The following SPECC1 variants were observed in gnomAD, a reference collection of about 807,000 sequenced individuals.
SPECC1 encodes cytospin-B.
In SPECC1, 62 loss-of-function variants were observed where a neutral mutation model predicts 104.1. The observed-to-expected ratio is 0.60, with a 90% CI of 0.49 to 0.74. The LOEUF is 0.74. Among genes scored for constraint, SPECC1 ranks in the 30% least tolerant of loss-of-function variants. SPECC1 has a pLI of 0.00. For missense variants in SPECC1, 1,306 were observed against 1,310.5 expected (o/e 1.00, Z 0.05); for synonymous variants, 513 against 501.6 (o/e 1.02, Z -0.30).
chr17:20,150,113 C>G (rs2031851006), intron 3 of SPECC1, among the ~76,000 whole-genome samples: 1 of 151,140 alleles, frequency 6.6e-6, no homozygotes, highest in Non-Finnish European at 1.5e-5. Flanking sequence ...GCTGGGACTA[C>G]AGGCGCCCGC....
intron 5 of SPECC1, among the ~76,000 whole-genome samples, chr17:20,229,953 A>G (rs2038468954): frequency 6.6e-6 from 1 of 152,210 alleles, no homozygotes; most frequent in Non-Finnish European, 1.5e-5. Context: ...CCAAGTTTCA[A>G]AAGGCCATAA....
At chr17:20,101,059 C>A (rs2047923017) in intron 2 of SPECC1, among the ~76,000 whole-genome samples, 1 of 152,190 alleles carries the variant, frequency 6.6e-6, no homozygotes, top group Non-Finnish European at 1.5e-5. Flanking sequence ...TTTATCCAGT[C>A]TATCATTGAT....
In SPECC1 at chr17:20,028,623, A is replaced by G. The variant is rs140688467; in HGVS notation, c.-22+19199A>G. Reference sequence around the variant, plus strand: ...GTCTTGATTACTGTTGCTGTGTCGTAACATTTGCAATTGGCAAGTGAGTCA... The same window carrying G: ...GTCTTGATTACTGTTGCTGTGTCGTGACATTTGCAATTGGCAAGTGAGTCA... On this transcript the variant is annotated intron_variant, in intron 1 of 14. Coordinates refer to ENST00000395527, the MANE Select transcript of SPECC1 (RefSeq NM_001243439.2). Among the ~76,000 whole-genome samples, 63 of 152,316 alleles carry G rather than the reference A, an allele frequency of 4.1e-4. No individual in the cohort carries two copies. In the East Asian group the frequency reaches 7.7e-3, roughly 19 times the overall value.
intron 6 of SPECC1, 21 bp from the exon 7 acceptor site, chr17:20,232,179 G>T (rs962414703): frequency 1.7e-5 from 28 of 1,613,292 alleles, no homozygotes; most frequent in African/African-American, 2.7e-5. Context: ...CTGACATAAG[G>T]ATGGGCTCTG....
At chr17:20,233,153 G>C (rs2038705103) in intron 7 of SPECC1, among the ~76,000 whole-genome samples, 1 of 152,242 alleles carries the variant, frequency 6.6e-6, no homozygotes, top group African/African-American at 2.4e-5. Flanking sequence ...TGAGGAATCA[G>C]TGTCCTTAAC....
chr17:20,102,927 C>T (rs1245523230), intron 2 of SPECC1, among the ~76,000 whole-genome samples: 1 of 152,212 alleles, frequency 6.6e-6, no homozygotes, highest in Non-Finnish European at 1.5e-5. Context: ...AAGCACACTG[C>T]ATGGCTAACT....
At chr17:20,288,473 T>C (rs375943932) in intron 12 of SPECC1, among the ~76,000 whole-genome samples, 4 of 152,072 alleles carry the variant, frequency 2.6e-5, no homozygotes, top group South Asian at 2.1e-4. Context: ...CCAACAAATA[T>C]ATGAAAAAAA....
At chr17:20,183,168 CA>C (rs2035026966) in intron 3 of SPECC1, among the ~76,000 whole-genome samples, 1 of 152,134 alleles carries the variant, frequency 6.6e-6, no homozygotes, top group Non-Finnish European at 1.5e-5. Context: ...CAGAGAAATG[CA>C]CATCAAAAGA....
In SPECC1 at chr17:20,306,099, G is replaced by C. The variant is rs2041753696; in HGVS notation, c.3117+17G>C. On this transcript the variant is annotated intron_variant, in intron 14 of 14. Coordinates refer to ENST00000395527, the MANE Select transcript of SPECC1 (RefSeq NM_001243439.2). ...CCCAGCCTGGTACGTATCCTATTTT[G>C]TATCCTTGTGATACTTTAATTGTAT... is the stretch of plus-strand genomic sequence containing the variant. 2 of 1,608,940 alleles carry C rather than the reference G, an allele frequency of 1.2e-6. No individual in the cohort carries two copies. The highest frequency in any genetic ancestry group is 1.7e-6 in the Non-Finnish European group (2 of 1,176,506).
intron 1 of SPECC1, among the ~76,000 whole-genome samples, chr17:20,039,482 C>G (rs969940294): frequency 1.3e-5 from 2 of 152,100 alleles, no homozygotes; most frequent in Non-Finnish European, 2.9e-5. Context: ...CCACTCCTTT[C>G]TTTTGATTAA....
At chr17:20,282,175 G>C (rs2040794692) in intron 12 of SPECC1, among the ~76,000 whole-genome samples, 1 of 152,232 alleles carries the variant, frequency 6.6e-6, no homozygotes, top group African/African-American at 2.4e-5. Context: ...TGTTTGTCAA[G>C]TGAAAATGGA....
In SPECC1 at chr17:20,292,298, G is replaced by A. The variant is rs577924401; in HGVS notation, c.2941-4663G>A. On this transcript the variant is annotated intron_variant, in intron 12 of 14. Transcript: ENST00000395527. The stretch of plus-strand genomic sequence containing the variant: ...TGAATGATTCCAGCGAACTGGATGG[G>A]GCACCCCACTGCCCCACCACCGCCT... Among the ~76,000 whole-genome samples, 3 of 152,024 alleles carry A rather than the reference G, an allele frequency of 2.0e-5. No individual in the cohort carries two copies. The East Asian group carries it at 5.8e-4, about 30-fold the overall frequency.
chr17:20,021,528 T>A (rs1020526856), intron 1 of SPECC1, among the ~76,000 whole-genome samples: 2 of 151,848 alleles, frequency 1.3e-5, no homozygotes, highest in African/African-American at 4.8e-5. Flanking sequence ...TCTTTGGGAT[T>A]TAGACCCAGG....
At chr17:20,086,686 G>A (rs1015922510) in intron 1 of SPECC1, among the ~76,000 whole-genome samples, 2 of 152,148 alleles carry the variant, frequency 1.3e-5, no homozygotes, top group Non-Finnish European at 2.9e-5. Context: ...GGCAGTGGAC[G>A]TGGTGAGGGG....
Position 20,015,584 on chromosome 17 carries a change from A to ATTTTTTTTTT in SPECC1, c.-22+6169_-22+6178dup, listed in dbSNP as rs1222758913. Among the ~76,000 whole-genome samples the ATTTTTTTTTT allele has an allele frequency of 1.4e-3, 141 of 102,018 alleles. 7 individuals carry two copies. Among genetic ancestry groups the ATTTTTTTTTT allele is most frequent in the African/African-American group, 1.8e-3 (52 of 28,876 alleles). 66.9% of individuals were successfully genotyped at this position (102,018 alleles called of 152,430 possible). Reference sequence around the variant, plus strand: ...CATATTTTTAACTTTCCGGGTCTCTATTTTTTTTTTTTTTTTTTGAGGTGG... The same window carrying ATTTTTTTTTT: ...CATATTTTTAACTTTCCGGGTCTCTATTTTTTTTTTTTTTTTTTTTTTTTTTTTGAGGTGG... On this transcript the variant is annotated intron_variant, in intron 1 of 14. Coordinates refer to ENST00000395527, the MANE Select transcript of SPECC1 (RefSeq NM_001243439.2).
chr17:20,277,156 G>A (rs2040600865), intron 12 of SPECC1, among the ~76,000 whole-genome samples: 1 of 152,194 alleles, frequency 6.6e-6, no homozygotes, highest in South Asian at 2.1e-4. Flanking sequence ...AGTGTCTCAT[G>A]GCATCTGATG....
At position 20,318,649 on chromosome 17, in the gene SPECC1, A is replaced by C. The variant is rs1302821786; in HGVS notation, c.*4584A>C. Reference sequence around the variant, plus strand: ...TCTAGCAATAGTTCTCACCCTTCCAAAGCTCGAGTGCCATTTTGAGATGAC... The same window carrying C: ...TCTAGCAATAGTTCTCACCCTTCCACAGCTCGAGTGCCATTTTGAGATGAC... On this transcript the variant is annotated 3_prime_UTR_variant, in exon 15 of 15. Coordinates refer to ENST00000395527, the MANE Select transcript of SPECC1 (RefSeq NM_001243439.2). The C allele has an allele frequency of 8.8e-6, 2 of 226,706 alleles. No homozygotes were observed. Among genetic ancestry groups the C allele is most frequent in the Non-Finnish European group, 1.8e-5 (2 of 114,064 alleles). 14.0% of individuals were successfully genotyped at this position (226,706 alleles called of 1,614,324 possible).
chr17:20,195,086 T>G (rs2035941927), intron 3 of SPECC1, among the ~76,000 whole-genome samples: 1 of 152,222 alleles, frequency 6.6e-6, no homozygotes, highest in South Asian at 2.1e-4. Context: ...AACTCCTGTT[T>G]TGCTTGATAT....
At chr17:20,045,903 T>C (rs760874994) in intron 1 of SPECC1, among the ~76,000 whole-genome samples, 1 of 152,140 alleles carries the variant, frequency 6.6e-6, no homozygotes, top group Non-Finnish European at 1.5e-5. Context: ...AACTAATTTA[T>C]ATCTTATTTT....
Sources: gnomAD v4.1 joint callset for allele counts (sites outside exome capture counted in the v4.1 genomes callset) on GRCh38, gnomAD v4.1.1 for gene constraint, MANE v1.5 for transcripts, NCBI Gene and HGNC (gene_info 2026-07-23, HGNC 2026-07-21) for gene names.